The following KIDINS220 variants were observed in gnomAD, a reference collection of about 807,000 sequenced individuals.
The protein encoded by KIDINS220 is kinase D interacting substrate 220.
KIDINS220 carries 63 observed loss-of-function variants against 157.6 expected under a neutral mutation model. The ratio of observed to expected loss-of-function variants is 0.40; its 90% CI spans 0.33 to 0.49. The LOEUF (loss-of-function observed/expected upper bound fraction) is 0.49, where lower values mean the gene tolerates loss of function less well. Ranked by LOEUF, KIDINS220 falls within the 20% of genes least tolerant of loss-of-function variation. The pLI is 0.66. For synonymous variants in KIDINS220, 732 were observed against 783.6 expected (o/e 0.93, Z 1.10); for missense variants, 1,772 against 2,171.2 (o/e 0.82, Z 3.65).
In KIDINS220 at chr2:8,779,147, A is replaced by G; in HGVS notation, c.2371-8T>C. The G allele has an allele frequency of 6.2e-7, 1 of 1,611,404 alleles. No homozygotes were observed. Among genetic ancestry groups the G allele is most frequent in the Non-Finnish European group, 8.5e-7 (1 of 1,179,786 alleles). ...TGAAAACAGAACTCGGACCTGTGGC[A>G]GAAGAAATGTACAGTTGTGACATAC... is the stretch of plus-strand genomic sequence containing the variant. On this transcript the variant is annotated splice_region_variant and splice_polypyrimidine_tract_variant and intron_variant, in intron 18 of 29. Transcript: ENST00000256707.
chr2:8,760,709 T>C (rs1045788616), intron 22 of KIDINS220, among the ~76,000 whole-genome samples: 1 of 152,240 alleles, frequency 6.6e-6, no homozygotes, highest in Non-Finnish European at 1.5e-5. Context: ...TTTAATATTC[T>C]TCAGAATAGC....
intron 21 of KIDINS220, among the ~76,000 whole-genome samples, chr2:8,771,979 A>C (rs1287201342): frequency 6.7e-6 from 1 of 148,426 alleles, no homozygotes; most frequent in African/African-American, 2.5e-5. Context: ...AGAAAAAGAC[A>C]AAAAAAAAAG....
At chr2:8,832,092 G>A (rs1679722067) in intron 1 of KIDINS220, among the ~76,000 whole-genome samples, 1 of 152,170 alleles carries the variant, frequency 6.6e-6, no homozygotes, top group South Asian at 2.1e-4. Flanking sequence ...ACCCGAGACT[G>A]AGCAAAGCTT....
At chr2:8,782,952 G>C (rs1671899022) in intron 17 of KIDINS220, among the ~76,000 whole-genome samples, 1 of 152,152 alleles carries the variant, frequency 6.6e-6, no homozygotes, top group Non-Finnish European at 1.5e-5. Flanking sequence ...CCAGCACTTT[G>C]GGAGGCCGAG....
chr2:8,754,619 T>C (rs1347935049), intron 22 of KIDINS220, among the ~76,000 whole-genome samples: 6 of 152,230 alleles, frequency 3.9e-5, no homozygotes, highest in Non-Finnish European at 1.5e-5. Context: ...TACTTGTTAA[T>C]GCCAACATCA....
chr2:8,820,682 T>C (rs771957845), intron 2 of KIDINS220, among the ~76,000 whole-genome samples: 1 of 152,142 alleles, frequency 6.6e-6, no homozygotes. Flanking sequence ...ATTTTCTCGG[T>C]GAAAAAATTT....
intron 9 of KIDINS220, among the ~76,000 whole-genome samples, chr2:8,798,560 C>G (rs1674276206): frequency 1.3e-5 from 2 of 152,138 alleles, no homozygotes; most frequent in South Asian, 2.1e-4. Flanking sequence ...AATCAGATTT[C>G]AGGAACACAC....
intron 21 of KIDINS220, among the ~76,000 whole-genome samples, chr2:8,772,763 A>T (rs1572592744): frequency 6.6e-6 from 1 of 152,198 alleles, no homozygotes; most frequent in East Asian, 1.9e-4. Flanking sequence ...ATACTTATCA[A>T]TATTTATCTA....
At chr2:8,836,751 C>T (rs1307658744) in intron 1 of KIDINS220, among the ~76,000 whole-genome samples, 1 of 152,138 alleles carries the variant, frequency 6.6e-6, no homozygotes, top group African/African-American at 2.4e-5. Context: ...GATTCCCGAG[C>T]CACACCTCAG....
At chr2:8,783,378 G>A (rs1163501091) in intron 17 of KIDINS220, among the ~76,000 whole-genome samples, 4 of 152,118 alleles carry the variant, frequency 2.6e-5, no homozygotes, top group Non-Finnish European at 4.4e-5. Flanking sequence ...ACTTAATGGT[G>A]AGAACATGAA....
chr2:8,819,593 G>A (rs1224594243), intron 2 of KIDINS220, among the ~76,000 whole-genome samples: 1 of 152,212 alleles, frequency 6.6e-6, no homozygotes, highest in Non-Finnish European at 1.5e-5. Context: ...GGAGGCCAAG[G>A]TGGACGGATC....
chr2:8,751,482 T>C lies in KIDINS220; in HGVS notation c.3174A>G (p.Leu1058=), dbSNP rs1355992767. ...AATACCCACCTGCAATAATTTCCCG[T>C]AGTTTGGGATCTAGGTTTACAGTGC... The part of the protein sequence containing the change: ...LPCTVNLDPK[L]REIIADVRAA... The change falls in exon 23 of 30, where the codon CTA becomes CTG. Residue 1058 remains leucine (L), a synonymous_variant. Coordinates refer to ENST00000256707, the MANE Select transcript of KIDINS220 (RefSeq NM_020738.4). 5 of 1,605,708 alleles carry C rather than the reference T, an allele frequency of 3.1e-6. No individual in the cohort carries two copies. In the South Asian group the frequency reaches 4.5e-5, roughly 15 times the overall value.
At chr2:8,765,167 C>A (rs1461964379) in intron 22 of KIDINS220, among the ~76,000 whole-genome samples, 1 of 152,150 alleles carries the variant, frequency 6.6e-6, no homozygotes, top group Non-Finnish European at 1.5e-5. Flanking sequence ...GAGGACACTG[C>A]GAACTCCAGC....
At chr2:8,744,525 T>C (rs564139301) in intron 26 of KIDINS220, among the ~76,000 whole-genome samples, 1 of 147,752 alleles carries the variant, frequency 6.8e-6, no homozygotes, top group African/African-American at 2.5e-5. Context: ...CCTTGTGACA[T>C]GACAATTTGT....
intron 22 of KIDINS220, among the ~76,000 whole-genome samples, chr2:8,760,157 G>A (rs1668567161): frequency 6.6e-6 from 1 of 152,324 alleles, no homozygotes; most frequent in African/African-American, 2.4e-5. Flanking sequence ...TTAACAAATT[G>A]AAGAAGATCA....
chr2:8,776,996 A>G (rs1403339130), intron 20 of KIDINS220, 104 bp from the exon 21 acceptor site: 1 of 1,253,894 alleles, frequency 8.0e-7, no homozygotes, highest in Non-Finnish European at 1.1e-6. Flanking sequence ...AAAAATCCAA[A>G]GTTTTAGTCA....
At chr2:8,826,335 G>A (rs1222286649) in intron 2 of KIDINS220, among the ~76,000 whole-genome samples, 10 of 152,234 alleles carry the variant, frequency 6.6e-5, no homozygotes, top group Middle Eastern at 3.4e-3. Flanking sequence ...CAGGCAGGGC[G>A]GGGTGGCTCA....
intron 4 of KIDINS220, among the ~76,000 whole-genome samples, chr2:8,816,273 A>G (rs1255337454): frequency 6.6e-6 from 1 of 152,214 alleles, no homozygotes; most frequent in Non-Finnish European, 1.5e-5. Flanking sequence ...TTGCTGATCT[A>G]TGTAAAACAA....
In KIDINS220 at chr2:8,803,135, C is replaced by T; in HGVS notation, c.604-8G>A. 6.3e-7 allele frequency: 1 copy of T among 1,593,542 alleles called. No individual in the cohort carries two copies. Among genetic ancestry groups the T allele is most frequent in the Non-Finnish European group, 8.5e-7 (1 of 1,171,410 alleles). On this transcript the variant is annotated splice_region_variant and splice_polypyrimidine_tract_variant and intron_variant, in intron 7 of 29. Transcript: ENST00000256707. ...AAGTGCAGTCATTGAATTCTAAAAA[C>T]AACAACAACAAAAACAAAACAAAAC...
Sources: allele counts gnomAD v4.1 joint callset (sites outside exome capture counted in the v4.1 genomes callset), GRCh38; gene constraint gnomAD v4.1.1; transcripts MANE v1.5; gene names NCBI Gene and HGNC (gene_info 2026-07-23, HGNC 2026-07-21).